The following USH2A variants were observed in gnomAD, a reference collection of about 807,000 sequenced individuals.
The protein encoded by USH2A is usherin.
A neutral mutation model predicts 538.9 loss-of-function variants in USH2A; 443 were observed. The ratio of observed to expected loss-of-function variants is 0.82; its 90% CI spans 0.76 to 0.89. The LOEUF is 0.89. Among genes scored for constraint, USH2A ranks in the 40% least tolerant of loss-of-function variants. The pLI is 0.00. For synonymous variants in USH2A, 2,413 were observed against 2,273.5 expected (o/e 1.06, Z -1.75); for missense variants, 6,633 against 6,324.8 (o/e 1.05, Z -1.65).
intron 58 of USH2A, among the ~76,000 whole-genome samples, chr1:215,748,034 G>A (rs1402306396): frequency 1.3e-5 from 2 of 152,086 alleles, no homozygotes; most frequent in Admixed American, 1.3e-4. Context: ...TGGGACTACA[G>A]GCGCCCGCCA....
At chr1:216,260,163 G>A (rs908690550) in intron 11 of USH2A, among the ~76,000 whole-genome samples, 1 of 152,026 alleles carries the variant, frequency 6.6e-6, no homozygotes, top group Non-Finnish European at 1.5e-5. Context: ...TAATTTTAAT[G>A]AGGCCAGCAG....
Position 216,422,537 on chromosome 1 carries a change from G to A in USH2A, c.-201C>T. The A allele has an allele frequency of 1.5e-6, 1 of 660,628 alleles. No homozygotes were observed. The highest frequency in any genetic ancestry group is 2.0e-5 in the South Asian group (1 of 51,278). The allele number at this position is 660,628 out of a possible 1,614,324, so 40.9% of individuals were successfully genotyped here. On this transcript the variant is annotated 5_prime_UTR_variant, in exon 2 of 72. Coordinates refer to ENST00000307340, the MANE Select transcript of USH2A (RefSeq NM_206933.4). ...ATGGCGAAGACATGAGTAGCTGCTGGTATCTGGGAATCAAAAACGTAGGGC... is the reference window on the plus strand; with the variant it reads ...ATGGCGAAGACATGAGTAGCTGCTGATATCTGGGAATCAAAAACGTAGGGC...
At chr1:215,918,113 A>C (rs1464172945) in intron 38 of USH2A, among the ~76,000 whole-genome samples, 2 of 152,108 alleles carry the variant, frequency 1.3e-5, no homozygotes, top group Non-Finnish European at 2.9e-5. Context: ...GTGGAGAAAA[A>C]TTTAGTCATT....
intron 44 of USH2A, among the ~76,000 whole-genome samples, chr1:215,866,135 C>A (rs1449034847): frequency 3.3e-5 from 5 of 152,144 alleles, no homozygotes; most frequent in Non-Finnish European, 5.9e-5. Flanking sequence ...GTTATTCTGA[C>A]AAGTTTTGAT....
intron 15 of USH2A, among the ~76,000 whole-genome samples, chr1:216,216,417 C>G (rs2035342514): frequency 1.3e-5 from 2 of 152,018 alleles, no homozygotes; most frequent in African/African-American, 4.8e-5. Flanking sequence ...AGTCCAATAT[C>G]CCATTACTTA....
chr1:216,250,754 T>C, intron 12 of USH2A, 149 bp downstream of exon 12: 1 of 817,432 alleles, frequency 1.2e-6, no homozygotes, highest in South Asian at 1.5e-5. Flanking sequence ...TTTAATCATT[T>C]TAAACAGTTA....
At chr1:216,341,292 C>T (rs560112731) in intron 4 of USH2A, among the ~76,000 whole-genome samples, 7 of 151,844 alleles carry the variant, frequency 4.6e-5, no homozygotes, top group Admixed American at 3.3e-4. Context: ...TAACAAGGGA[C>T]GTGAAGGAGC....
intron 44 of USH2A, among the ~76,000 whole-genome samples, chr1:215,861,810 G>T (rs1449006048): frequency 6.7e-6 from 1 of 150,262 alleles, no homozygotes; most frequent in African/African-American, 2.5e-5. Context: ...GAGGAGAATG[G>T]ATGCCATGCA....
chr1:215,723,940 C>A (rs1659734164), intron 61 of USH2A, among the ~76,000 whole-genome samples: 1 of 151,890 alleles, frequency 6.6e-6, no homozygotes. Context: ...GGGCATCTAC[C>A]CAAAGGAAAA....
Position 216,070,253 on chromosome 1 carries a change from A to C in USH2A, c.5897T>G (p.Leu1966Ter). The change falls in exon 30 of 72, where the codon TTA (leucine) becomes TGA (stop). Residue 1966 changes from leucine (L) to a stop codon, truncating the protein, a stop_gained. Coordinates refer to ENST00000307340, the MANE Select transcript of USH2A (RefSeq NM_206933.4). LOFTEE classifies it high-confidence loss of function. Reference protein sequence around the residue: ...SVPTPSRVRSLNGYSIEVTWD... With the variant: ...SVPTPSRVRS Reference sequence around the variant, plus strand: ...GGTCACCTCAATGCTGTATCCATTTAAGCTGCGGACTCTTGAGGGAGTTGG... The same window carrying C: ...GGTCACCTCAATGCTGTATCCATTTCAGCTGCGGACTCTTGAGGGAGTTGG... 1 of 1,614,024 alleles carries C rather than the reference A, an allele frequency of 6.2e-7. No individual in the cohort carries two copies. The highest frequency in any genetic ancestry group is 8.5e-7 in the Non-Finnish European group (1 of 1,179,904).
In USH2A at chr1:216,349,417, T is replaced by C. The variant is rs139343631; in HGVS notation, c.784+15536A>G. On this transcript the variant is annotated intron_variant, in intron 4 of 71. Transcript: ENST00000307340. ...TAAGGCTGAGGCCTACTGGGCTGCATTCTCAAGAGGGTAAGTCATCCTAAG... is the reference window on the plus strand; with the variant it reads ...TAAGGCTGAGGCCTACTGGGCTGCACTCTCAAGAGGGTAAGTCATCCTAAG... Among the ~76,000 whole-genome samples, 1,395 of 152,240 alleles carry C rather than the reference T, an allele frequency of 9.2e-3. 6 individuals carry two copies. Among genetic ancestry groups the C allele is most frequent in the Middle Eastern group, 0.037 (11 of 294 alleles).
chr1:215,974,680 TC>T (rs1343517095), intron 35 of USH2A, among the ~76,000 whole-genome samples: 1 of 152,210 alleles, frequency 6.6e-6, no homozygotes, highest in Non-Finnish European at 1.5e-5. Flanking sequence ...CAGGGTTTTT[TC>T]TGTGGTTGTA....
At chr1:215,865,610 AT>A (rs981328202) in intron 44 of USH2A, among the ~76,000 whole-genome samples, 1 of 152,168 alleles carries the variant, frequency 6.6e-6, no homozygotes, top group Non-Finnish European at 1.5e-5. Context: ...ACATCCCCAG[AT>A]AAAAACTTTG....
chr1:216,310,478 G>A (rs1483786969), intron 9 of USH2A, among the ~76,000 whole-genome samples: 1 of 151,782 alleles, frequency 6.6e-6, no homozygotes, highest in Non-Finnish European at 1.5e-5. Context: ...CTTACATTTG[G>A]CCTTTTGAGG....
At chr1:215,844,186 A>G in intron 46 of USH2A, 108 bp downstream of exon 46, 1 of 1,212,592 alleles carries the variant, frequency 8.2e-7, no homozygotes, top group Non-Finnish European at 1.2e-6. Flanking sequence ...CTTCCCCACC[A>G]AAGAAATAAT....
chr1:215,968,886 C>T (rs929159217), intron 36 of USH2A, among the ~76,000 whole-genome samples: 1 of 152,128 alleles, frequency 6.6e-6, no homozygotes, highest in Non-Finnish European at 1.5e-5. Context: ...TTGAGTATCA[C>T]ATCATAATTT....
At chr1:216,270,780 G>C (rs1235846161) in intron 11 of USH2A, among the ~76,000 whole-genome samples, 1 of 151,486 alleles carries the variant, frequency 6.6e-6, no homozygotes, top group Admixed American at 6.6e-5. Flanking sequence ...CACGAACATA[G>C]CTTACCATAA....
chr1:215,781,240 T>C (rs1279780953), intron 54 of USH2A, among the ~76,000 whole-genome samples: 1 of 152,190 alleles, frequency 6.6e-6, no homozygotes, highest in Non-Finnish European at 1.5e-5. Flanking sequence ...CAATCTGGTT[T>C]CTGACCAGAT....
chr1:215,755,492 A>G (rs1660764827), intron 58 of USH2A, among the ~76,000 whole-genome samples: 1 of 152,226 alleles, frequency 6.6e-6, no homozygotes, highest in Admixed American at 6.5e-5. Flanking sequence ...ACACAGCATG[A>G]GGTACTTTCC....
Sources: gnomAD v4.1 joint callset for allele counts (sites outside exome capture counted in the v4.1 genomes callset) on GRCh38, gnomAD v4.1.1 for gene constraint, MANE v1.5 for transcripts, NCBI Gene and HGNC (gene_info 2026-07-23, HGNC 2026-07-21) for gene names.